The following TOR1A variants were observed in gnomAD, a reference collection of about 807,000 sequenced individuals.
TOR1A encodes torsin family 1 member A, also known as torsin-1A.
TOR1A carries 18 observed loss-of-function variants against 31.4 expected under a neutral mutation model. The ratio of observed to expected loss-of-function variants is 0.57; its 90% CI spans 0.40 to 0.85. The LOEUF (loss-of-function observed/expected upper bound fraction) is 0.85. Among genes scored for constraint, TOR1A ranks in the 40% least tolerant of loss-of-function variants. TOR1A has a pLI of 0.00. For synonymous variants in TOR1A, 168 were observed against 165.9 expected (o/e 1.01, Z -0.10); for missense variants, 375 against 416.4 (o/e 0.90, Z 0.87).
intron 4 of TOR1A, among the ~76,000 whole-genome samples, chr9:129,817,046 C>G (rs889791613): frequency 6.6e-6 from 1 of 152,196 alleles, no homozygotes; most frequent in Non-Finnish European, 1.5e-5. Context: ...TCCACCTCCC[C>G]AGGTTCAAGG....
intron 2 of TOR1A, among the ~76,000 whole-genome samples, 158 bp from the exon 3 acceptor site, chr9:129,819,078 A>G (rs963817848): frequency 6.6e-6 from 1 of 152,166 alleles, no homozygotes; most frequent in Admixed American, 6.5e-5. Flanking sequence ...TACCAACCCC[A>G]TGGAGTGGGC....
intron 4 of TOR1A, among the ~76,000 whole-genome samples, chr9:129,815,450 G>C (rs2031011990): frequency 6.6e-6 from 1 of 152,248 alleles, no homozygotes; most frequent in Non-Finnish European, 1.5e-5. Context: ...CTCTAGGGCA[G>C]GAAACAATCT....
chr9:129,823,890 G>A lies in TOR1A; in HGVS notation c.178+18C>T, dbSNP rs776790504. 1.6e-5 allele frequency: 17 copies of A among 1,085,714 alleles called. No individual in the cohort carries two copies. Among genetic ancestry groups the A allele is most frequent in the Non-Finnish European group, 2.1e-5 (16 of 771,034 alleles). The allele number at this position is 1,085,714 out of a possible 1,614,324, so 67.3% of individuals were successfully genotyped here. On this transcript the variant is annotated intron_variant, in intron 1 of 4. Coordinates refer to ENST00000351698, the MANE Select transcript of TOR1A (RefSeq NM_000113.3). ...GCCCCAGCCCCAGCCCCAGCCTCCA[G>A]CCCCCGCCCCAGCCTACCCTCCCGG...
chr9:129,820,929 A>T (rs1261584322), intron 2 of TOR1A, among the ~76,000 whole-genome samples: 1 of 152,180 alleles, frequency 6.6e-6, no homozygotes, highest in Non-Finnish European at 1.5e-5. Flanking sequence ...GAACCGCTGG[A>T]CAGTGGGTGA....
At position 129,818,451 on chromosome 9, in the gene TOR1A, T is replaced by C. The variant is rs1449160108; in HGVS notation, c.748+69A>G. ...TCCCAGGTGATGCTGACAGTGACCCTGATGCTTTTAACACTTAGGGTGCAG... is the reference window on the plus strand; with the variant it reads ...TCCCAGGTGATGCTGACAGTGACCCCGATGCTTTTAACACTTAGGGTGCAG... On this transcript the variant is annotated intron_variant, in intron 4 of 4. Transcript: ENST00000351698. 2.5e-6 allele frequency: 4 copies of C among 1,607,820 alleles called. No homozygotes were observed. The African/African-American group carries it at 4.0e-5, about 16-fold the overall frequency.
chr9:129,813,572 C>A lies in TOR1A; in HGVS notation c.*400G>T. On this transcript the variant is annotated 3_prime_UTR_variant, in exon 5 of 5. Transcript: ENST00000351698. Reference sequence around the variant, plus strand: ...TTAAAAAAAAACACACACACAAGGCCAACAACTTAGAATCTGAGCAGTCTC... The same window carrying A: ...TTAAAAAAAAACACACACACAAGGCAAACAACTTAGAATCTGAGCAGTCTC... The A allele has an allele frequency of 6.6e-6, 2 of 304,426 alleles. No homozygotes were observed. The highest frequency in any genetic ancestry group is 3.1e-5 in the South Asian group (1 of 32,722). The allele number at this position is 304,426 out of a possible 1,614,324, so 18.9% of individuals were successfully genotyped here. A position where few individuals can be genotyped will look rare whatever the true frequency, so the allele number is the denominator to read the frequency against.
chr9:129,815,269 G>A (rs761659718), intron 4 of TOR1A, among the ~76,000 whole-genome samples: 1 of 152,256 alleles, frequency 6.6e-6, no homozygotes, highest in Non-Finnish European at 1.5e-5. Context: ...GACTGACAGA[G>A]TGGAGCCTAT....
At chr9:129,822,350 A>G (rs2031203540) in intron 2 of TOR1A, 3 of 605,928 alleles carry the variant, frequency 5.0e-6, no homozygotes, top group South Asian at 3.3e-5. Context: ...AAATCCCATG[A>G]CCCTACATAC....
chr9:129,813,455 G>A lies in TOR1A; in HGVS notation c.*517C>T. 4.1e-6 allele frequency: 1 copy of A among 241,680 alleles called. No homozygotes were observed. The highest frequency in any genetic ancestry group is 8.1e-6 in the Non-Finnish European group (1 of 122,710). The allele number at this position is 241,680 out of a possible 1,614,324, so 15.0% of individuals were successfully genotyped here. On this transcript the variant is annotated 3_prime_UTR_variant, in exon 5 of 5. Transcript: ENST00000351698. ...GCTCATGCTCCAGCCACATCCCCAG[G>A]GATGCCCTCCTGTGGAACAAATGCC...
At chr9:129,818,295 T>C in intron 4 of TOR1A, 1 of 657,208 alleles carries the variant, frequency 1.5e-6, no homozygotes, top group Admixed American at 2.6e-5. Flanking sequence ...AGAGTAAAAC[T>C]ATCTGAAAAA....
rs778990233 is a variant in TOR1A, at chr9:129,818,738, A to G, written c.620+7T>C. On this transcript the variant is annotated splice_region_variant and intron_variant, in intron 3 of 4. Coordinates refer to ENST00000351698, the MANE Select transcript of TOR1A (RefSeq NM_000113.3). ...GCCCATCCATCATGTCCTAGCCCTGACCTTACCTGAGAAATATGAACATGG... is the reference window on the plus strand; with the variant it reads ...GCCCATCCATCATGTCCTAGCCCTGGCCTTACCTGAGAAATATGAACATGG... The G allele has an allele frequency of 6.2e-7, 1 of 1,613,464 alleles. No individual in the cohort carries two copies. The highest frequency in any genetic ancestry group is 8.5e-7 in the Non-Finnish European group (1 of 1,180,030).
At chr9:129,817,843 A>AT (rs1313603521) in intron 4 of TOR1A, among the ~76,000 whole-genome samples, 2 of 132,020 alleles carry the variant, frequency 1.5e-5, no homozygotes, top group Non-Finnish European at 3.5e-5. Flanking sequence ...TCTACCAAAA[A>AT]AAAAAAAAAA....
chr9:129,815,900 C>A (rs1036913663), intron 4 of TOR1A, among the ~76,000 whole-genome samples: 1 of 152,112 alleles, frequency 6.6e-6, no homozygotes, highest in Non-Finnish European at 1.5e-5. Context: ...CCACCCCCAC[C>A]GCTTCCACGC....
At chr9:129,817,374 T>C (rs2131003609) in intron 4 of TOR1A, among the ~76,000 whole-genome samples, 1 of 152,312 alleles carries the variant, frequency 6.6e-6, no homozygotes, top group South Asian at 2.1e-4. Flanking sequence ...CACTGGCTCT[T>C]TCTTCTACAA....
chr9:129,814,548 A>T (rs1194043000), intron 4 of TOR1A, among the ~76,000 whole-genome samples: 1 of 151,688 alleles, frequency 6.6e-6, no homozygotes, highest in African/African-American at 2.4e-5. Context: ...GTGGAGCTCC[A>T]GATCAGTGGG....
intron 1 of TOR1A, 92 bp from the exon 2 acceptor site, chr9:129,822,938 T>C (rs2031221847): frequency 5.7e-6 from 9 of 1,582,746 alleles, no homozygotes; most frequent in East Asian, 2.2e-5. Context: ...CAAAGCCGTC[T>C]AGACGCCCTC....
Position 129,814,124 on chromosome 9 carries a change from C to T in TOR1A, c.847G>A (p.Val283Met), listed in dbSNP as rs776884227. ...TCATAGCCTCGGGACTGCATTTCCA[C>T]TCGGATACACATTTTTAGGTGTTTG... ...EYKHLKMCIR[V>M]EMQSRGYEID... The change falls in exon 5 of 5, where the codon GTG (valine) becomes ATG (methionine). Residue 283 changes from valine (V) to methionine (M), a missense_variant. Val to Met is a conservative substitution (Grantham distance 21, BLOSUM62 1). Coordinates refer to ENST00000351698, the MANE Select transcript of TOR1A (RefSeq NM_000113.3). 1 of 1,614,160 alleles carries T rather than the reference C, an allele frequency of 6.2e-7. No homozygotes were observed. Among genetic ancestry groups the T allele is most frequent in the Non-Finnish European group, 8.5e-7 (1 of 1,180,036 alleles).
intron 4 of TOR1A, among the ~76,000 whole-genome samples, chr9:129,817,632 G>C (rs2031071398): frequency 6.6e-6 from 1 of 150,606 alleles, no homozygotes; most frequent in South Asian, 2.1e-4. Flanking sequence ...CTGGGAGGCA[G>C]AGCTTGCAGT....
At chr9:129,821,973 G>A (rs1486398208) in intron 2 of TOR1A, 1 of 168,222 alleles carries the variant, frequency 5.9e-6, no homozygotes, top group Non-Finnish European at 1.3e-5. Context: ...TTCACAAAAT[G>A]AGTGAGATGT....
Sources: gnomAD v4.1 joint callset for allele counts (sites outside exome capture counted in the v4.1 genomes callset) on GRCh38, gnomAD v4.1.1 for gene constraint, MANE v1.5 for transcripts, NCBI Gene and HGNC (gene_info 2026-07-23, HGNC 2026-07-21) for gene names.